KCNA5: variants seen among roughly 807,000 people sequenced by gnomAD.
The protein encoded by KCNA5 is potassium voltage-gated channel subfamily A member 5, also known as cardiac potassium channel.
KCNA5 carries 22 observed loss-of-function variants against 26.5 expected under a neutral mutation model. The ratio of observed to expected loss-of-function variants is 0.83; its 90% CI spans 0.59 to 1.18. The LOEUF is 1.18. Ranked by LOEUF, KCNA5 falls within the 50% of genes most tolerant of loss-of-function variation. The pLI, the probability that KCNA5 is intolerant of heterozygous loss-of-function variation, is 0.00. For synonymous variants in KCNA5, 465 were observed against 372.8 expected (o/e 1.25, Z -2.85); for missense variants, 916 against 843.2 (o/e 1.09, Z -1.07).
rs1862778540 is a variant in KCNA5, at chr12:5,046,326, G to C, written c.*337G>C. 1 of 352,486 alleles carries C rather than the reference G, an allele frequency of 2.8e-6. No homozygotes were observed. The highest frequency in any genetic ancestry group is 2.1e-5 in the African/African-American group (1 of 48,268). 21.8% of individuals were successfully genotyped at this position (352,486 alleles called of 1,614,324 possible). On this transcript the variant is annotated 3_prime_UTR_variant, in exon 1 of 1. Coordinates refer to ENST00000252321, the MANE Select transcript of KCNA5 (RefSeq NM_002234.4). ...ACTCTAAATAGCCCAGATCCCAAGA[G>C]ATTATGTAACTCCTCCATCCATGTG...
At position 5,044,565 on chromosome 12, in the gene KCNA5, C is replaced by T; in HGVS notation, c.418C>T (p.Gln140Ter). 1.2e-6 allele frequency: 2 copies of T among 1,614,012 alleles called. No individual in the cohort carries two copies. The highest frequency in any genetic ancestry group is 1.7e-6 in the Non-Finnish European group (2 of 1,180,034). ...RFETQLGTLA[Q>*]FPNTLLGDPA... Reference sequence around the variant, plus strand: ...TGAGACGCAGCTGGGCACCCTGGCGCAGTTCCCCAACACACTCCTGGGGGA... The same window carrying T: ...TGAGACGCAGCTGGGCACCCTGGCGTAGTTCCCCAACACACTCCTGGGGGA... Residue 140 changes from glutamine (Q) to a stop codon, truncating the protein, a stop_gained, in exon 1 of 1, where the codon CAG (glutamine) becomes TAG (stop). Coordinates refer to ENST00000252321, the MANE Select transcript of KCNA5 (RefSeq NM_002234.4). LOFTEE classifies it high-confidence loss of function.
Position 5,044,339 on chromosome 12 carries a change from G to T in KCNA5, c.192G>T (p.Val64=). The change falls in exon 1 of 1, where the codon GTG becomes GTT. Residue 64 remains valine, a synonymous_variant. Coordinates refer to ENST00000252321, the MANE Select transcript of KCNA5 (RefSeq NM_002234.4). ...RGAQRDADSG[V]RPLPPLPDPG... ...CGCAGAGAGACGCGGACTCGGGAGT[G>T]CGGCCCTTGCCTCCGCTGCCGGACC... 1 of 1,547,592 alleles carries T rather than the reference G, an allele frequency of 6.5e-7. No homozygotes were observed. The highest frequency in any genetic ancestry group is 8.7e-7 in the Non-Finnish European group (1 of 1,151,832).
In KCNA5 at chr12:5,045,078, A is replaced by G. The variant is rs1456159460; in HGVS notation, c.931A>G (p.Thr311Ala). Residue 311 changes from threonine (T) to alanine (A), a missense_variant, in exon 1 of 1, where the codon ACG (threonine) becomes GCG (alanine). Coordinates refer to ENST00000252321, the MANE Select transcript of KCNA5 (RefSeq NM_002234.4). The surrounding 1 kb of genome is among the most constrained non-coding windows in gnomAD (Gnocchi z 5.6). ...GGTCATGGCCCCGCCCTCTGGCCCT[A>G]CGGTGGCACCGCTCCTGCCCAGGAC... Reference protein sequence around the residue: ...SGVMAPPSGPTVAPLLPRTLA... With the variant: ...SGVMAPPSGPAVAPLLPRTLA... 1 of 1,612,960 alleles carries G rather than the reference A, an allele frequency of 6.2e-7. No individual in the cohort carries two copies. Among genetic ancestry groups the G allele is most frequent in the Admixed American group, 1.7e-5 (1 of 59,974 alleles).
rs1862767850 is a variant in KCNA5, at chr12:5,045,603, A to G, written c.1456A>G (p.Met486Val). The change falls in exon 1 of 1, where the codon ATG (methionine) becomes GTG (valine). Residue 486 changes from methionine (M) to valine (V), a missense_variant. Transcript: ENST00000252321. This position sits in a 1 kb window ranked among gnomAD's most constrained non-coding sequence, Gnocchi z 5.6. ...VTMTTVGYGD[M>V]RPITVGGKIV... ...CATGACCACTGTGGGCTACGGGGAC[A>G]TGAGGCCCATCACTGTTGGGGGCAA... 1.2e-6 allele frequency: 2 copies of G among 1,614,200 alleles called. No individual in the cohort carries two copies. Among genetic ancestry groups the G allele is most frequent in the Non-Finnish European group, 8.5e-7 (1 of 1,180,032 alleles).
rs201466058 is a variant in KCNA5 at position 5,045,817 on chromosome 12, G to C, written c.1670G>C (p.Ser557Thr). ...GACAGAGGAGTCCAGCGGAAGGTCA[G>C]CGGGAGCAGGGGATCCTTCTGCAAG... ...GLDRGVQRKVSGSRGSFCKAG... is the reference protein window; with the variant it reads ...GLDRGVQRKVTGSRGSFCKAG... Residue 557 changes from serine (S) to threonine (T), a missense_variant, in exon 1 of 1, where the codon AGC becomes ACC. Physicochemically the swap from Ser to Thr is moderately conservative, Grantham distance 58. Coordinates refer to ENST00000252321, the MANE Select transcript of KCNA5 (RefSeq NM_002234.4). The surrounding 1 kb of genome is among the most constrained non-coding windows in gnomAD (Gnocchi z 5.6). 7 of 1,614,136 alleles carry C rather than the reference G, an allele frequency of 4.3e-6. No homozygotes were observed. In the Admixed American group the frequency reaches 5.0e-5, roughly 12 times the overall value.
At position 5,046,489 on chromosome 12, in the gene KCNA5, G is replaced by A. The variant is rs1862779902; in HGVS notation, c.*500G>A. ...TTTCAAGATACATGTTGTATTTATG[G>A]AAGAAAGAGTTGTCCTGATGTTTTT... On this transcript the variant is annotated 3_prime_UTR_variant, in exon 1 of 1. Transcript: ENST00000252321. The A allele has an allele frequency of 4.9e-6, 1 of 202,996 alleles. No homozygotes were observed. The highest frequency in any genetic ancestry group is 5.3e-5 in the Admixed American group (1 of 18,790). 12.6% of individuals were successfully genotyped at this position (202,996 alleles called of 1,614,324 possible). A position where few individuals can be genotyped will look rare whatever the true frequency, so the allele number is the denominator to read the frequency against.
Position 5,046,214 on chromosome 12 carries a change from G to A in KCNA5, c.*225G>A, listed in dbSNP as rs960440115. ...AAAAGTACCACATTCCATGACGCAG[G>A]AGCTGTGGAAATGGTGAGCGCTGTG... On this transcript the variant is annotated 3_prime_UTR_variant, in exon 1 of 1. Transcript: ENST00000252321. The A allele has an allele frequency of 1.6e-6, 1 of 619,760 alleles. No individual in the cohort carries two copies. Among genetic ancestry groups the A allele is most frequent in the African/African-American group, 1.8e-5 (1 of 54,466 alleles). The allele number at this position is 619,760 out of a possible 1,614,324, so 38.4% of individuals were successfully genotyped here.
chr12:5,043,924 G>C lies in KCNA5; in HGVS notation c.-224G>C. 1 of 576,708 alleles carries C rather than the reference G, an allele frequency of 1.7e-6. No homozygotes were observed. The highest frequency in any genetic ancestry group is 3.0e-6 in the Non-Finnish European group (1 of 328,312). 35.7% of individuals were successfully genotyped at this position (576,708 alleles called of 1,614,324 possible). On this transcript the variant is annotated 5_prime_UTR_variant, in exon 1 of 1. Coordinates refer to ENST00000252321, the MANE Select transcript of KCNA5 (RefSeq NM_002234.4). The stretch of plus-strand genomic sequence containing the variant: ...TGCATCTGCTGGAAGGAGGCTTTTC[G>C]GCTGCTTGGTAACGGGCTGCCAGAA...
Position 5,044,936 on chromosome 12 carries a change from C to T in KCNA5, c.789C>T (p.Ser263=). ...TCTCGGTCTTGGTTATCCTCATCTC[C>T]ATCATCACCTTCTGCTTGGAGACCC... The part of the protein sequence containing the change: ...AIVSVLVILI[S]IITFCLETLP... The change falls in exon 1 of 1, where the codon TCC becomes TCT. Residue 263 remains serine (S), a synonymous_variant. Coordinates refer to ENST00000252321, the MANE Select transcript of KCNA5 (RefSeq NM_002234.4). 6.2e-7 allele frequency: 1 copy of T among 1,613,728 alleles called. No homozygotes were observed. Among genetic ancestry groups the T allele is most frequent in the East Asian group, 2.2e-5 (1 of 44,770 alleles).
Position 5,045,488 on chromosome 12 carries a change from C to A in KCNA5, c.1341C>A (p.Leu447=), listed in dbSNP as rs765014802. ...LIFFLFIGVI[L]FSSAVYFAEA... is the part of the protein sequence containing the mutation. ...TCTTCCTCTTCATCGGGGTCATCCT[C>A]TTCTCCAGTGCCGTCTACTTCGCAG... Residue 447 remains leucine (L), a synonymous_variant, in exon 1 of 1, where the codon CTC becomes CTA. Transcript: ENST00000252321. The surrounding 1 kb of genome is among the most constrained non-coding windows in gnomAD (Gnocchi z 5.6). 20 of 1,614,122 alleles carry A rather than the reference C, an allele frequency of 1.2e-5. No homozygotes were observed. Among genetic ancestry groups the A allele is most frequent in the Non-Finnish European group, 1.7e-5 (20 of 1,180,052 alleles).
In KCNA5 at chr12:5,046,170, C is replaced by T. The variant is rs1862777041; in HGVS notation, c.*181C>T. On this transcript the variant is annotated 3_prime_UTR_variant, in exon 1 of 1. Transcript: ENST00000252321. ...TTTTCTCTATTCTTTCCATGACACC[C>T]AAGGGTCGCCTATTTTTAAAAAGTA... The T allele has an allele frequency of 2.6e-6, 2 of 775,984 alleles. No individual in the cohort carries two copies. The highest frequency in any genetic ancestry group is 4.3e-5 in the Admixed American group (2 of 46,144). The allele number at this position is 775,984 out of a possible 1,614,324, so 48.1% of individuals were successfully genotyped here.
Position 5,044,825 on chromosome 12 carries a change from C to A in KCNA5, c.678C>A (p.Pro226=), listed in dbSNP as rs750529130. The change falls in exon 1 of 1, where the codon CCC becomes CCA. Residue 226 remains proline (P), a synonymous_variant. Transcript: ENST00000252321. The stretch of plus-strand genomic sequence containing the variant: ...GCTTCATTAAAGAAGAGGAGAAGCC[C>A]CTGCCCCGCAACGAGTTCCAGCGCC... ...DEGFIKEEEK[P]LPRNEFQRQV... is the part of the protein sequence containing the mutation. The A allele has an allele frequency of 1.4e-5, 22 of 1,614,056 alleles. No homozygotes were observed. Among genetic ancestry groups the A allele is most frequent in the African/African-American group, 2.7e-5 (2 of 75,024 alleles).
In KCNA5 at chr12:5,044,231, G is replaced by A; in HGVS notation, c.84G>A (p.Gln28=). 1.3e-6 allele frequency: 2 copies of A among 1,538,386 alleles called. No homozygotes were observed. Among genetic ancestry groups the A allele is most frequent in the Non-Finnish European group, 1.7e-6 (2 of 1,147,194 alleles). ...GGDEARAGCG[Q]ATGGELQCPP... ...ATGAGGCCCGGGCAGGCTGCGGCCA[G>A]GCCACAGGGGGAGAGCTCCAGTGTC... Residue 28 remains glutamine, a synonymous_variant, in exon 1 of 1, where the codon CAG becomes CAA. Transcript: ENST00000252321.
At position 5,044,876 on chromosome 12, in the gene KCNA5, G is replaced by C; in HGVS notation, c.729G>C (p.Pro243=). Residue 243 remains proline, a synonymous_variant, in exon 1 of 1, where the codon CCG becomes CCC. Coordinates refer to ENST00000252321, the MANE Select transcript of KCNA5 (RefSeq NM_002234.4). ...AGGTGTGGCTTATCTTCGAGTATCC[G>C]GAGAGCTCTGGGTCCGCGCGGGCCA... ...QRQVWLIFEY[P]ESSGSARAIA... 1 of 1,613,964 alleles carries C rather than the reference G, an allele frequency of 6.2e-7. No homozygotes were observed.
In KCNA5 at chr12:5,044,959, C is replaced by G; in HGVS notation, c.812C>G (p.Thr271Ser). 1.2e-6 allele frequency: 2 copies of G among 1,613,594 alleles called. No individual in the cohort carries two copies. Among genetic ancestry groups the G allele is most frequent in the East Asian group, 2.2e-5 (1 of 44,780 alleles). The change falls in exon 1 of 1, where the codon ACC (threonine) becomes AGC (serine). Residue 271 changes from threonine to serine, a missense_variant. Transcript: ENST00000252321. Reference protein sequence around the residue: ...LISIITFCLETLPEFRDEREL... With the variant: ...LISIITFCLESLPEFRDEREL... Reference sequence around the variant, plus strand: ...TCCATCATCACCTTCTGCTTGGAGACCCTGCCTGAGTTCAGGGATGAACGT... The same window carrying G: ...TCCATCATCACCTTCTGCTTGGAGAGCCTGCCTGAGTTCAGGGATGAACGT...
Position 5,044,518 on chromosome 12 carries a change from TCAA to T in KCNA5, c.374_376del (p.Asn125del). On this transcript the variant is annotated inframe_deletion, in exon 1 of 1. Transcript: ENST00000252321. ...TCCCTGCACCACCAGCGCGTCCACA[TCAA>T]CATCTCCGGGCTGCGCTTTGAGACG... The T allele has an allele frequency of 6.2e-7, 1 of 1,613,286 alleles. No individual in the cohort carries two copies. Among genetic ancestry groups the T allele is most frequent in the Non-Finnish European group, 8.5e-7 (1 of 1,179,730 alleles).
In KCNA5 at chr12:5,046,323, A is replaced by C. The variant is rs1591662506; in HGVS notation, c.*334A>C. ...ATGACTCTAAATAGCCCAGATCCCA[A>C]GAGATTATGTAACTCCTCCATCCAT... On this transcript the variant is annotated 3_prime_UTR_variant, in exon 1 of 1. Transcript: ENST00000252321. 2 of 363,940 alleles carry C rather than the reference A, an allele frequency of 5.5e-6. No homozygotes were observed. Among genetic ancestry groups the C allele is most frequent in the African/African-American group, 4.1e-5 (2 of 48,474 alleles). 22.5% of individuals were successfully genotyped at this position (363,940 alleles called of 1,614,324 possible).
chr12:5,045,544 G>A lies in KCNA5; in HGVS notation c.1397G>A (p.Ser466Asn). ...EADNQGTHFS[S>N]IPDAFWWAVV... Reference sequence around the variant, plus strand: ...GACAACCAGGGAACCCATTTCTCTAGCATCCCTGACGCCTTCTGGTGGGCA... The same window carrying A: ...GACAACCAGGGAACCCATTTCTCTAACATCCCTGACGCCTTCTGGTGGGCA... The change falls in exon 1 of 1, where the codon AGC becomes AAC. Residue 466 changes from serine to asparagine, a missense_variant. Transcript: ENST00000252321. The surrounding 1 kb of genome is among the most constrained non-coding windows in gnomAD (Gnocchi z 5.6). 6.2e-7 allele frequency: 1 copy of A among 1,614,220 alleles called. No homozygotes were observed. Among genetic ancestry groups the A allele is most frequent in the Non-Finnish European group, 8.5e-7 (1 of 1,180,048 alleles).
At position 5,045,762 on chromosome 12, in the gene KCNA5, C is replaced by T; in HGVS notation, c.1615C>T (p.Gln539Ter). The T allele has an allele frequency of 6.2e-7, 1 of 1,614,140 alleles. No homozygotes were observed. ...GGAGCCGGCAGTCCTTAAGGAAGAG[C>T]AGGGCACTCAGAGCCAGGGGCCGGG... is the stretch of plus-strand genomic sequence containing the variant. ...HEEPAVLKEE[Q>*]GTQSQGPGLD... Residue 539 changes from glutamine to a stop codon, truncating the protein, a stop_gained, in exon 1 of 1, where the codon CAG (glutamine) becomes TAG (stop). Coordinates refer to ENST00000252321, the MANE Select transcript of KCNA5 (RefSeq NM_002234.4). LOFTEE classifies it low-confidence loss of function (END_TRUNC). This position sits in a 1 kb window ranked among gnomAD's most constrained non-coding sequence, Gnocchi z 5.6.
Sources: gnomAD v4.1 joint callset for allele counts on GRCh38, gnomAD v4.1.1 for gene constraint, Gnocchi (gnomAD v3.1) non-coding constraint, MANE v1.5 for transcripts, NCBI Gene and HGNC (gene_info 2026-07-23, HGNC 2026-07-21) for gene names.